SKAP1: variants seen among roughly 807,000 people sequenced by gnomAD.
SKAP1 encodes the protein src kinase-associated phosphoprotein 1.
Under a neutral mutation model 58.5 loss-of-function variants are expected in SKAP1, and 44 were observed. The observed-to-expected ratio is 0.75, with a 90% CI of 0.59 to 0.97. SKAP1 has a LOEUF of 0.97. SKAP1 is among the 50% of genes least tolerant of loss of function. SKAP1 has a pLI of 0.00. For missense variants in SKAP1, 390 were observed against 435.2 expected, an observed-to-expected ratio of 0.90 and a Z score of 0.92; for synonymous variants, 127 against 149.7, an observed-to-expected ratio of 0.85 and a Z score of 1.11.
intron 3 of SKAP1, among the ~76,000 whole-genome samples, chr17:48,348,407 T>C (rs1479385786): frequency 6.6e-6 from 1 of 151,006 alleles, no homozygotes; most frequent in Admixed American, 6.6e-5. Flanking sequence ...ATTCTAAGTG[T>C]TTTAAAAAAC....
chr17:48,400,081 C>T (rs2067477227), intron 1 of SKAP1, among the ~76,000 whole-genome samples: 1 of 150,890 alleles, frequency 6.6e-6, no homozygotes, highest in Non-Finnish European at 1.5e-5. Context: ...AAAAAATCAA[C>T]TGTATTTCTT....
intron 2 of SKAP1, among the ~76,000 whole-genome samples, chr17:48,385,322 TA>T (rs11314601): frequency 0.77 from 115,090 of 148,682 alleles, 44,759 homozygotes; most frequent in African/African-American, 0.81. Context: ...CTGCACAAAA[TA>T]AAAAAAAAAA....
chr17:48,442,236 AACAGCTCCT>A, the SKAP1 span, among the ~76,000 whole-genome samples: 1 of 152,134 alleles, frequency 6.6e-6, no homozygotes, highest in Non-Finnish European at 1.5e-5. Flanking sequence ...TCAATTACAT[AACAGCTCCT>A]ACAGAAACTG....
intron 4 of SKAP1, among the ~76,000 whole-genome samples, chr17:48,283,949 C>A (rs971655471): frequency 6.6e-6 from 1 of 152,176 alleles, no homozygotes; most frequent in Non-Finnish European, 1.5e-5. Flanking sequence ...TATTTCAATG[C>A]CATTCTCTGT....
chr17:48,322,759 T>C lies in SKAP1; in HGVS notation c.280+23146A>G, dbSNP rs190166078. Among the ~76,000 whole-genome samples the C allele has an allele frequency of 8.9e-4, 136 of 152,328 alleles. 1 individual carries two copies. The highest frequency in any genetic ancestry group is 3.4e-3 in the Middle Eastern group (1 of 294). On this transcript the variant is annotated intron_variant, in intron 4 of 12. Transcript: ENST00000336915. ...AAACCTGCCCTCTGCACTTTTCAGCTGGGCACATAGCCCCTGTGAAATAAG... is the reference window on the plus strand; with the variant it reads ...AAACCTGCCCTCTGCACTTTTCAGCCGGGCACATAGCCCCTGTGAAATAAG...
chr17:48,337,586 C>T (rs1017771502), intron 4 of SKAP1, among the ~76,000 whole-genome samples: 87 of 152,142 alleles, frequency 5.7e-4, no homozygotes, highest in African/African-American at 2.0e-3. Flanking sequence ...GACAAAAAGG[C>T]CAAAAAAGAT....
intron 1 of SKAP1, among the ~76,000 whole-genome samples, chr17:48,415,430 T>A (rs1044967940): frequency 1.3e-5 from 2 of 152,140 alleles, no homozygotes; most frequent in Non-Finnish European, 2.9e-5. Flanking sequence ...TACAGAAATG[T>A]CCATTCTCTC....
chr17:48,285,614 GAAA>G lies in SKAP1; in HGVS notation c.280+60288_280+60290del, dbSNP rs11356632. Among the ~76,000 whole-genome samples, 72 of 128,618 alleles carry G rather than the reference GAAA, an allele frequency of 5.6e-4. 1 individual carries two copies. In the East Asian group the frequency reaches 0.012, roughly 21 times the overall value. 84.4% of individuals were successfully genotyped at this position (128,618 alleles called of 152,430 possible). A position where few individuals can be genotyped will look rare whatever the true frequency, so the allele number is the denominator to read the frequency against. On this transcript the variant is annotated intron_variant, in intron 4 of 12. Transcript: ENST00000336915. Reference sequence around the variant, plus strand: ...TGGGTGACAGAGCAAGACTCCATCTGAAAAAAAAAAAAAAAAGGGGAGCCCCTA... The same window carrying G: ...TGGGTGACAGAGCAAGACTCCATCTGAAAAAAAAAAAAAGGGGAGCCCCTA...
At chr17:48,384,530 A>C (rs2067253369) in intron 2 of SKAP1, among the ~76,000 whole-genome samples, 1 of 152,184 alleles carries the variant, frequency 6.6e-6, no homozygotes, top group African/African-American at 2.4e-5. Context: ...GGCTCTTCCC[A>C]TATTTCTGCT....
At chr17:48,143,630 T>C (rs893818416) in intron 11 of SKAP1, among the ~76,000 whole-genome samples, 6 of 152,200 alleles carry the variant, frequency 3.9e-5, no homozygotes, top group African/African-American at 1.4e-4. Flanking sequence ...AAATACATAC[T>C]CTGTCTACCT....
intron 2 of SKAP1, among the ~76,000 whole-genome samples, chr17:48,371,840 AAAAAAAAGAAAAGAAAAAG>A (rs1285643671): frequency 6.6e-6 from 1 of 151,578 alleles, no homozygotes; most frequent in African/African-American, 2.4e-5. Context: ...CTGTCTCAAA[AAAAAAAAGAAAAGAAAAAG>A]AAAAAAAGAA....
intron 4 of SKAP1, 60 bp downstream of exon 4, chr17:48,345,845 G>A: frequency 8.4e-7 from 1 of 1,187,758 alleles, no homozygotes; most frequent in Non-Finnish European, 1.2e-6. Context: ...AGGCAAAGAT[G>A]TCAGGCCAGA....
intron 4 of SKAP1, chr17:48,308,576 T>G (rs1372367069): frequency 6.6e-6 from 1 of 152,214 alleles, no homozygotes; most frequent in African/African-American, 2.4e-5. Flanking sequence ...GCATATTTCA[T>G]AAATGTGATT....
chr17:48,197,905 T>A (rs1243409817), intron 4 of SKAP1, among the ~76,000 whole-genome samples: 1 of 152,172 alleles, frequency 6.6e-6, no homozygotes, highest in Non-Finnish European at 1.5e-5. Flanking sequence ...CTCTTCCACA[T>A]CTTCACTTTC....
intron 2 of SKAP1, among the ~76,000 whole-genome samples, chr17:48,384,224 G>T (rs1191892921): frequency 6.6e-6 from 1 of 152,110 alleles, no homozygotes; most frequent in Admixed American, 6.5e-5. Context: ...GAATCAACAG[G>T]CCTTGTTGAT....
chr17:48,208,676 C>T (rs2064836509), intron 4 of SKAP1, among the ~76,000 whole-genome samples: 1 of 152,198 alleles, frequency 6.6e-6, no homozygotes, highest in African/African-American at 2.4e-5. Context: ...ATCTCTTTGA[C>T]TATTCCTAGT....
intron 4 of SKAP1, among the ~76,000 whole-genome samples, chr17:48,278,282 C>T (rs140251508): frequency 6.6e-6 from 1 of 152,180 alleles, no homozygotes; most frequent in Non-Finnish European, 1.5e-5. Context: ...TCAGTGCCTA[C>T]GCTGTTCTTT....
At chr17:48,146,743 C>T (rs540061799) in intron 11 of SKAP1, among the ~76,000 whole-genome samples, 28 of 152,132 alleles carry the variant, frequency 1.8e-4, no homozygotes, top group African/African-American at 6.5e-4. Flanking sequence ...ATTCTCCTGC[C>T]TCAGCTTCCT....
intron 9 of SKAP1, among the ~76,000 whole-genome samples, chr17:48,171,731 T>TAG (rs1264605866): frequency 6.0e-5 from 5 of 83,838 alleles, no homozygotes; most frequent in Non-Finnish European, 9.9e-5. Context: ...GTTAGGATGT[T>TAG]AGAGTGTGTG....
Sources: allele counts gnomAD v4.1 joint callset (sites outside exome capture counted in the v4.1 genomes callset), GRCh38; gene constraint gnomAD v4.1.1; transcripts MANE v1.5; gene names NCBI Gene and HGNC (gene_info 2026-07-23, HGNC 2026-07-21).